Variants in GRM7 observed in about 807,000 individuals in gnomAD.
GRM7 encodes metabotropic glutamate receptor 7.
In GRM7, 35 loss-of-function variants were observed where a neutral mutation model predicts 84.5. The observed-to-expected ratio is 0.41, with a 90% confidence interval of 0.32 to 0.55. The LOEUF is 0.55. Ranked by LOEUF, GRM7 falls within the 20% of genes least tolerant of loss-of-function variation. The probability of loss-of-function intolerance (pLI) is 0.19; values close to 1 mark genes in which losing one functional copy is unlikely to be tolerated. For missense variants in GRM7, 1,003 were observed against 1,194.6 expected (o/e 0.84, Z 2.36); for synonymous variants, 487 against 455.1 (o/e 1.07, Z -0.89).
intron 2 of GRM7, among the ~76,000 whole-genome samples, chr3:7,272,937 A>G (rs1423212613): frequency 2.0e-5 from 3 of 151,884 alleles, no homozygotes; most frequent in Non-Finnish European, 4.4e-5. Flanking sequence ...ATAAAATTTT[A>G]GATAATTGCT....
At chr3:7,661,297 G>C (rs747387445) in intron 8 of GRM7, among the ~76,000 whole-genome samples, 1 of 152,136 alleles carries the variant, frequency 6.6e-6, no homozygotes, top group African/African-American at 2.4e-5. Flanking sequence ...AAAAATATTT[G>C]AACAGATATG....
intron 1 of GRM7, among the ~76,000 whole-genome samples, chr3:6,883,031 A>G (rs1247330150): frequency 6.6e-6 from 1 of 152,144 alleles, no homozygotes; most frequent in Admixed American, 6.5e-5. Context: ...TCTATCAGCA[A>G]TTTAACATCG....
chr3:7,180,924 C>G (rs926619357), intron 2 of GRM7, among the ~76,000 whole-genome samples: 2 of 152,164 alleles, frequency 1.3e-5, no homozygotes, highest in Non-Finnish European at 2.9e-5. Context: ...TTAATTCACA[C>G]ACCGATTTAC....
chr3:7,123,327 A>G (rs1044552083), intron 1 of GRM7, among the ~76,000 whole-genome samples: 2 of 152,138 alleles, frequency 1.3e-5, no homozygotes, highest in African/African-American at 2.4e-5. Context: ...CACTCTTTTT[A>G]AGAAAGTGGG....
intron 9 of GRM7, among the ~76,000 whole-genome samples, chr3:7,703,484 G>A (rs1162921529): frequency 6.6e-6 from 1 of 152,008 alleles, no homozygotes; most frequent in Non-Finnish European, 1.5e-5. Flanking sequence ...CTGGGCTGTG[G>A]TGTTTATTCT....
intron 2 of GRM7, among the ~76,000 whole-genome samples, chr3:7,153,266 C>T (rs1694345395): frequency 6.8e-6 from 1 of 147,930 alleles, no homozygotes. Flanking sequence ...AATTATTTTT[C>T]TGCTTAACCT....
At chr3:7,691,149 G>A (rs1700786811) in intron 9 of GRM7, 1 of 503,766 alleles carries the variant, frequency 2.0e-6, no homozygotes, top group Non-Finnish European at 3.6e-6. Flanking sequence ...CTATTCTCAT[G>A]TTTTTTTTCA....
chr3:7,506,380 C>T (rs11131078), intron 7 of GRM7, among the ~76,000 whole-genome samples: 42,082 of 152,016 alleles, frequency 0.28, 6,697 homozygotes, highest in East Asian at 0.57. Flanking sequence ...ACTCGAATCA[C>T]TCTTGATGCC....
At position 7,298,814 on chromosome 3, in the gene GRM7, T is replaced by G. The variant is rs759201965; in HGVS notation, c.867T>G (p.Asp289Glu). Residue 289 changes from aspartate (D) to glutamate (E), a missense_variant, in exon 3 of 10, where the codon GAT becomes GAG. Around this residue, in one of 2 missense-constraint regions of GRM7, gnomAD observed 910 missense variants for 1,126.0 expected, o/e 0.81. Transcript: ENST00000357716. ...GGGCCGTCGTGATTTTTGCCAACGATGAGGATATAAAGTAAGAATAACTGG... is the reference window on the plus strand; with the variant it reads ...GGGCCGTCGTGATTTTTGCCAACGAGGAGGATATAAAGTAAGAATAACTGG... ...NSRAVVIFAN[D>E]EDIKQILAAA... 5.4e-5 allele frequency: 87 copies of G among 1,613,268 alleles called. No homozygotes were observed. Among genetic ancestry groups the G allele is most frequent in the Non-Finnish European group, 6.8e-5 (80 of 1,179,496 alleles).
At chr3:7,211,678 A>G (rs1359611325) in intron 2 of GRM7, among the ~76,000 whole-genome samples, 7 of 144,366 alleles carry the variant, frequency 4.8e-5, no homozygotes, top group Non-Finnish European at 1.1e-4. Context: ...ATCACACTGA[A>G]GGGAAAAAAT....
intron 2 of GRM7, among the ~76,000 whole-genome samples, chr3:7,209,245 C>T (rs916837509): frequency 6.6e-6 from 1 of 152,170 alleles, no homozygotes; most frequent in Non-Finnish European, 1.5e-5. Context: ...AACACTTTCA[C>T]ATCATCATAA....
chr3:7,599,156 G>A lies in GRM7; in HGVS notation c.2451+19799G>A, dbSNP rs563858539. 7.2e-5 allele frequency among the ~76,000 whole-genome samples: 11 copies of A among 152,208 alleles called. No individual in the cohort carries two copies. The South Asian group carries it at 2.3e-3, about 32-fold the overall frequency. On this transcript the variant is annotated intron_variant, in intron 8 of 9. Coordinates refer to ENST00000357716, the MANE Select transcript of GRM7 (RefSeq NM_000844.4). Reference sequence around the variant, plus strand: ...GGCAGCAACTGATTTCATTTAATGGGATATATGCAAATTATGTTTCCCATA... The same window carrying A: ...GGCAGCAACTGATTTCATTTAATGGAATATATGCAAATTATGTTTCCCATA...
chr3:6,962,039 C>T (rs1482161780), intron 1 of GRM7, among the ~76,000 whole-genome samples: 2 of 152,158 alleles, frequency 1.3e-5, no homozygotes, highest in African/African-American at 4.8e-5. Flanking sequence ...TTCCTTAATT[C>T]ACTGCAACTG....
At chr3:7,702,174 G>C (rs910226377) in intron 9 of GRM7, among the ~76,000 whole-genome samples, 2 of 152,198 alleles carry the variant, frequency 1.3e-5, no homozygotes, top group African/African-American at 2.4e-5. Context: ...GGGCTCTTCA[G>C]CTACTGAAGT....
intron 2 of GRM7, among the ~76,000 whole-genome samples, chr3:7,229,749 ATATATATATATTTTT>A (rs1559514658): frequency 1.8e-4 from 6 of 33,594 alleles, no homozygotes; most frequent in South Asian, 1.2e-3. Context: ...ATATATATAT[ATATATATATATTTTT>A]TTTTTTTTTT....
At chr3:7,356,768 G>A (rs1007910957) in intron 4 of GRM7, among the ~76,000 whole-genome samples, 15 of 151,982 alleles carry the variant, frequency 9.9e-5, no homozygotes, top group Non-Finnish European at 2.1e-4. Context: ...CAGGCCTTTG[G>A]CCTCACACTA....
intron 8 of GRM7, among the ~76,000 whole-genome samples, chr3:7,615,305 T>C (rs903080666): frequency 2.0e-5 from 3 of 152,148 alleles, no homozygotes; most frequent in Admixed American, 1.3e-4. Context: ...ATATTACTTC[T>C]CCATTCCCAC....
intron 7 of GRM7, among the ~76,000 whole-genome samples, chr3:7,552,015 A>G (rs1418120962): frequency 6.6e-6 from 1 of 152,194 alleles, no homozygotes; most frequent in Non-Finnish European, 1.5e-5. Flanking sequence ...TAAAACCATC[A>G]CATCTCATGA....
intron 1 of GRM7, among the ~76,000 whole-genome samples, chr3:6,890,225 A>G (rs939324960): frequency 2.6e-5 from 4 of 151,668 alleles, no homozygotes; most frequent in Non-Finnish European, 5.9e-5. Flanking sequence ...TTGTGTCTCT[A>G]TTTCCTTCAG....
Sources: allele counts gnomAD v4.1 joint callset (sites outside exome capture counted in the v4.1 genomes callset), GRCh38; gene constraint gnomAD v4.1.1; regional missense constraint gnomAD v4.1.1; transcripts MANE v1.5; gene names NCBI Gene and HGNC (gene_info 2026-07-23, HGNC 2026-07-21).